Variants in VAMP4 observed in about 807,000 individuals in gnomAD.
The protein encoded by VAMP4 is vesicle-associated membrane protein 4.
A neutral mutation model predicts 23.5 loss-of-function variants in VAMP4; 19 were observed. That is an observed-to-expected ratio of 0.81 (90% CI 0.56 to 1.19). The LOEUF is 1.19. Among genes scored for constraint, VAMP4 ranks in the 50% most tolerant of loss-of-function variants. The probability of loss-of-function intolerance (pLI) is 0.00; values close to 1 mark genes in which losing one functional copy is unlikely to be tolerated. For synonymous variants in VAMP4, 31 were observed against 51.0 expected (o/e 0.61, Z 1.67); for missense variants, 145 against 168.6 (o/e 0.86, Z 0.78).
Position 171,706,351 on chromosome 1 carries a change from T to A in VAMP4, c.397+16A>T. On this transcript the variant is annotated intron_variant, in intron 7 of 7. Transcript: ENST00000236192. Reference sequence around the variant, plus strand: ...TAAATGATACCCTAGGAAGTAATAATCCAATAAATACTTACTGATAATCAC... The same window carrying A: ...TAAATGATACCCTAGGAAGTAATAAACCAATAAATACTTACTGATAATCAC... 2 of 1,598,656 alleles carry A rather than the reference T, an allele frequency of 1.3e-6. No individual in the cohort carries two copies. Among genetic ancestry groups the A allele is most frequent in the Non-Finnish European group, 1.7e-6 (2 of 1,173,570 alleles).
At chr1:171,716,687 T>C (rs1185202543) in intron 4 of VAMP4, among the ~76,000 whole-genome samples, 1 of 152,224 alleles carries the variant, frequency 6.6e-6, no homozygotes, top group East Asian at 1.9e-4. Flanking sequence ...TGAAATGTTA[T>C]AAATTAAGTG....
chr1:171,706,162 T>C (rs1214332717), intron 7 of VAMP4, among the ~76,000 whole-genome samples: 5 of 152,104 alleles, frequency 3.3e-5, no homozygotes, highest in Non-Finnish European at 7.4e-5. Flanking sequence ...CATAAAAATG[T>C]ACATATACAT....
intron 4 of VAMP4, among the ~76,000 whole-genome samples, chr1:171,715,639 C>CATAT (rs1191332582): frequency 6.6e-6 from 1 of 152,108 alleles, no homozygotes; most frequent in Non-Finnish European, 1.5e-5. Flanking sequence ...CAACACATAG[C>CATAT]ACATACTTGA....
At chr1:171,711,353 A>G (rs1464502798) in intron 4 of VAMP4, among the ~76,000 whole-genome samples, 1 of 152,160 alleles carries the variant, frequency 6.6e-6, no homozygotes, top group African/African-American at 2.4e-5. Flanking sequence ...CTGATGCTCA[A>G]TGGGTAGAAT....
At position 171,703,425 on chromosome 1, in the gene VAMP4, G is replaced by GTATATA. The variant is rs59222991; in HGVS notation, c.*1075_*1080dup. On this transcript the variant is annotated 3_prime_UTR_variant, in exon 8 of 8. Coordinates refer to ENST00000236192, the MANE Select transcript of VAMP4 (RefSeq NM_003762.5). ...TGTGTGTGTGTGTGTGTGTTTGTGT[G>GTATATA]TATATATATATATATATATATATAT... 8.5e-3 allele frequency: 680 copies of GTATATA among 80,372 alleles called. 15 individuals carry two copies. Among genetic ancestry groups the GTATATA allele is most frequent in the African/African-American group, 0.011 (235 of 20,878 alleles). The allele number at this position is 80,372 out of a possible 1,614,324, so 5.0% of individuals were successfully genotyped here. A position where few individuals can be genotyped will look rare whatever the true frequency, so the allele number is the denominator to read the frequency against.
intron 4 of VAMP4, among the ~76,000 whole-genome samples, chr1:171,713,457 G>A (rs984857915): frequency 3.9e-5 from 6 of 152,186 alleles, no homozygotes; most frequent in Middle Eastern, 3.4e-3. Context: ...GAGATCGGGC[G>A]CATTCAGGGT....
At chr1:171,740,309 T>G (rs1379099049) in intron 1 of VAMP4, among the ~76,000 whole-genome samples, 1 of 152,228 alleles carries the variant, frequency 6.6e-6, no homozygotes, top group East Asian at 1.9e-4. Context: ...TCCTTTTCCA[T>G]AAGAAGAAAC....
chr1:171,732,782 C>A (rs1399190946), intron 2 of VAMP4, among the ~76,000 whole-genome samples: 1 of 151,922 alleles, frequency 6.6e-6, no homozygotes, highest in South Asian at 2.1e-4. Flanking sequence ...CTAAACAACA[C>A]ACAACTCCAG....
At chr1:171,714,349 G>C (rs2124845518) in intron 4 of VAMP4, among the ~76,000 whole-genome samples, 1 of 152,248 alleles carries the variant, frequency 6.6e-6, no homozygotes, top group South Asian at 2.1e-4. Context: ...TACTATAAAT[G>C]CCTTAAAAAC....
intron 4 of VAMP4, among the ~76,000 whole-genome samples, chr1:171,716,767 TTG>T (rs1478972464): frequency 6.6e-6 from 1 of 152,176 alleles, no homozygotes; most frequent in Non-Finnish European, 1.5e-5. Flanking sequence ...CGCCAGGGAT[TTG>T]TCATTGGGTA....
At chr1:171,706,318 C>T in intron 7 of VAMP4, 49 bp downstream of exon 7, 1 of 1,548,234 alleles carries the variant, frequency 6.5e-7, no homozygotes, top group East Asian at 2.3e-5. Context: ...TTAAAATGAA[C>T]TCCAAAATAA....
chr1:171,719,796 T>C (rs964607176), intron 3 of VAMP4, among the ~76,000 whole-genome samples: 3 of 152,030 alleles, frequency 2.0e-5, no homozygotes. Context: ...TTAACATTAC[T>C]CAGATTATTA....
chr1:171,732,293 G>C (rs941620101), intron 2 of VAMP4, among the ~76,000 whole-genome samples: 2 of 151,650 alleles, frequency 1.3e-5, no homozygotes, highest in Non-Finnish European at 2.9e-5. Context: ...GGCCAAAGTG[G>C]GGGGATCACT....
At chr1:171,707,214 T>C (rs1654687899) in intron 6 of VAMP4, among the ~76,000 whole-genome samples, 1 of 152,188 alleles carries the variant, frequency 6.6e-6, no homozygotes, top group Non-Finnish European at 1.5e-5. Flanking sequence ...AGAGAGGTGT[T>C]AGCGATTCTC....
intron 2 of VAMP4, 58 bp from the exon 3 acceptor site, chr1:171,728,628 C>G: frequency 2.7e-6 from 4 of 1,505,282 alleles, no homozygotes; most frequent in Non-Finnish European, 3.6e-6. Flanking sequence ...TAAAATGTCA[C>G]AGAGGAGTAA....
chr1:171,738,483 T>G lies in VAMP4; in HGVS notation c.-49-20A>C. 2 of 1,513,736 alleles carry G rather than the reference T, an allele frequency of 1.3e-6. No homozygotes were observed. The highest frequency in any genetic ancestry group is 1.8e-6 in the Non-Finnish European group (2 of 1,095,934). 93.8% of individuals were successfully genotyped at this position (1,513,736 alleles called of 1,614,324 possible). ...CACCACCTTAAAGAGAAAATAAATT[T>G]CATCAGATTTGAGACTTTGGGGCAT... On this transcript the variant is annotated intron_variant, in intron 1 of 7. Coordinates refer to ENST00000236192, the MANE Select transcript of VAMP4 (RefSeq NM_003762.5).
chr1:171,734,756 A>C (rs1454130735), intron 2 of VAMP4, among the ~76,000 whole-genome samples: 2 of 152,198 alleles, frequency 1.3e-5, no homozygotes, highest in East Asian at 3.8e-4. Flanking sequence ...AGTTCTCTTG[A>C]AACAGTCAAT....
At chr1:171,717,666 T>G (rs1655063747) in intron 4 of VAMP4, among the ~76,000 whole-genome samples, 1 of 152,014 alleles carries the variant, frequency 6.6e-6, no homozygotes, top group Admixed American at 6.6e-5. Flanking sequence ...CAGGCTGGTC[T>G]CAAAACTTTT....
intron 4 of VAMP4, among the ~76,000 whole-genome samples, chr1:171,717,054 T>C (rs1219437534): frequency 6.6e-6 from 1 of 152,168 alleles, no homozygotes; most frequent in Non-Finnish European, 1.5e-5. Context: ...AACATAGACA[T>C]ATATTCTTTA....
Sources: allele counts gnomAD v4.1 joint callset (sites outside exome capture counted in the v4.1 genomes callset), GRCh38; gene constraint gnomAD v4.1.1; transcripts MANE v1.5; gene names NCBI Gene and HGNC (gene_info 2026-07-23, HGNC 2026-07-21).